SLC1A7: variants seen among roughly 807,000 people sequenced by gnomAD.
SLC1A7 encodes solute carrier family 1 member 7.
In SLC1A7, 40 loss-of-function variants were observed where a neutral mutation model predicts 47.7. The observed-to-expected ratio is 0.84, with a 90% CI of 0.65 to 1.09. The LOEUF (loss-of-function observed/expected upper bound fraction) is 1.09, where lower values mean the gene tolerates loss of function less well. Ranked by LOEUF, SLC1A7 falls within the 50% of genes least tolerant of loss-of-function variation. SLC1A7 has a pLI of 0.00. For synonymous variants in SLC1A7, 323 were observed against 325.6 expected (o/e 0.99, Z 0.09); for missense variants, 746 against 769.5 (o/e 0.97, Z 0.36).
chr1:53,135,022 C>T (rs1644977393), intron 1 of SLC1A7, among the ~76,000 whole-genome samples: 1 of 152,232 alleles, frequency 6.6e-6, no homozygotes. Context: ...TAAGGGGGGA[C>T]TGCTCTGCCT....
intron 2 of SLC1A7, among the ~76,000 whole-genome samples, chr1:53,119,436 C>T (rs1485862255): frequency 6.6e-6 from 1 of 152,154 alleles, no homozygotes; most frequent in Non-Finnish European, 1.5e-5. Flanking sequence ...GCAGCCTTGA[C>T]CTCCTAGGCT....
chr1:53,119,633 T>C (rs144375660), intron 2 of SLC1A7, among the ~76,000 whole-genome samples: 2 of 152,250 alleles, frequency 1.3e-5, no homozygotes, highest in African/African-American at 4.8e-5. Flanking sequence ...ATTACAGGTG[T>C]GAGCCACCCA....
chr1:53,092,862 G>A (rs1644440936), intron 6 of SLC1A7, 75 bp from the exon 7 acceptor site: 8 of 982,018 alleles, frequency 8.1e-6, no homozygotes, highest in South Asian at 2.7e-5. Flanking sequence ...GCATCGCTGC[G>A]CGGCCTTCCC....
chr1:53,140,483 C>G (rs1645046469), intron 1 of SLC1A7, among the ~76,000 whole-genome samples: 1 of 151,994 alleles, frequency 6.6e-6, no homozygotes, highest in South Asian at 2.1e-4. Context: ...AAAAACAAAC[C>G]CATATGTTGT....
At chr1:53,138,579 G>T (rs962754947) in intron 1 of SLC1A7, among the ~76,000 whole-genome samples, 3 of 149,250 alleles carry the variant, frequency 2.0e-5, no homozygotes, top group Non-Finnish European at 3.0e-5. Flanking sequence ...TGTTGCCCAG[G>T]CTGGCCCTGA....
intron 8 of SLC1A7, 130 bp from the exon 9 acceptor site, chr1:53,090,064 T>C (rs1644403237): frequency 1.1e-6 from 1 of 924,440 alleles, no homozygotes; most frequent in Non-Finnish European, 1.7e-6. Flanking sequence ...TGGGTAGGAA[T>C]GCCACACCAG....
At chr1:53,126,739 G>A (rs1292672593) in intron 2 of SLC1A7, among the ~76,000 whole-genome samples, 2 of 152,264 alleles carry the variant, frequency 1.3e-5, no homozygotes, top group Middle Eastern at 3.4e-3. Context: ...CCTCACATCT[G>A]GTGAATTCAC....
intron 2 of SLC1A7, among the ~76,000 whole-genome samples, chr1:53,130,516 C>T (rs2150343471): frequency 6.7e-6 from 1 of 148,440 alleles, no homozygotes; most frequent in South Asian, 2.2e-4. Context: ...CCCGCTACTG[C>T]CCTGTAGCCA....
chr1:53,101,696 C>G (rs952997289), intron 5 of SLC1A7, among the ~76,000 whole-genome samples: 1 of 151,294 alleles, frequency 6.6e-6, no homozygotes, highest in Non-Finnish European at 1.5e-5. Context: ...TGTCTCGGTA[C>G]ACTCACACCA....
chr1:53,128,687 G>A (rs1175742537), intron 2 of SLC1A7, among the ~76,000 whole-genome samples: 2 of 142,018 alleles, frequency 1.4e-5, no homozygotes, highest in Non-Finnish European at 3.1e-5. Flanking sequence ...TGTTGAGGGA[G>A]CACCCGGGTG....
chr1:53,094,052 C>G (rs1308143923), intron 5 of SLC1A7, among the ~76,000 whole-genome samples: 1 of 152,234 alleles, frequency 6.6e-6, no homozygotes, highest in Non-Finnish European at 1.5e-5. Flanking sequence ...GCTGCCCGCT[C>G]TCCAAACAGC....
At chr1:53,135,405 G>GCTT (rs1246755582) in intron 1 of SLC1A7, among the ~76,000 whole-genome samples, 1 of 152,196 alleles carries the variant, frequency 6.6e-6, no homozygotes, top group East Asian at 1.9e-4. Flanking sequence ...ATTCTCTAGT[G>GCTT]CTTCTCCTCG....
chr1:53,138,034 A>G (rs564228943), intron 1 of SLC1A7, among the ~76,000 whole-genome samples: 173 of 152,310 alleles, frequency 1.1e-3, no homozygotes, highest in Admixed American at 4.6e-3. Flanking sequence ...TACATGAGTA[A>G]AAATGCCTTT....
chr1:53,138,285 T>A (rs1454547475), intron 1 of SLC1A7, among the ~76,000 whole-genome samples: 2 of 152,156 alleles, frequency 1.3e-5, no homozygotes, highest in African/African-American at 4.8e-5. Context: ...GGCCATAGTA[T>A]GGGGTTTTCT....
intron 5 of SLC1A7, among the ~76,000 whole-genome samples, chr1:53,099,462 A>G (rs1439839770): frequency 6.7e-6 from 1 of 149,952 alleles, no homozygotes; most frequent in Non-Finnish European, 1.5e-5. Context: ...GCCTCGGTAC[A>G]CTCACACACC....
intron 2 of SLC1A7, chr1:53,115,997 C>G (rs117926538): frequency 6.6e-6 from 1 of 152,288 alleles, no homozygotes; most frequent in African/African-American, 2.4e-5. Context: ...GCTTTGTTGA[C>G]AAAAGGATTT....
rs766301721 is a variant in SLC1A7 at position 53,109,351 on chromosome 1, G to GA, written c.432-3578dup. Among the ~76,000 whole-genome samples, 12 of 151,804 alleles carry GA rather than the reference G, an allele frequency of 7.9e-5. No homozygotes were observed. In the East Asian group the frequency reaches 1.4e-3, roughly 17 times the overall value. ...TCTCTGTGGTGTTTTAATAAGATTC[G>GA]AAAAAAAAGAGAAGGGGCCAGACCT... is the stretch of plus-strand genomic sequence containing the variant. On this transcript the variant is annotated intron_variant, in intron 3 of 10. Coordinates refer to ENST00000371494, the MANE Select transcript of SLC1A7 (RefSeq NM_006671.6).
chr1:53,130,656 A>T (rs1288360), intron 2 of SLC1A7, among the ~76,000 whole-genome samples: 2 of 152,152 alleles, frequency 1.3e-5, no homozygotes, highest in Non-Finnish European at 2.9e-5. Flanking sequence ...CAATCAAGAG[A>T]TTTAAAATCC....
chr1:53,098,409 C>G (rs1189319040), intron 5 of SLC1A7, among the ~76,000 whole-genome samples: 1 of 150,520 alleles, frequency 6.6e-6, no homozygotes, highest in Non-Finnish European at 1.5e-5. Flanking sequence ...CACACTCCAC[C>G]TTGTTACACT....
Sources: allele counts gnomAD v4.1 joint callset (sites outside exome capture counted in the v4.1 genomes callset), GRCh38; gene constraint gnomAD v4.1.1; transcripts MANE v1.5; gene names NCBI Gene and HGNC (gene_info 2026-07-23, HGNC 2026-07-21).